The following TMC1 variants were observed in gnomAD, a reference collection of about 807,000 sequenced individuals.
TMC1 encodes transmembrane channel-like protein 1.
TMC1 carries 84 observed loss-of-function variants against 105.8 expected under a neutral mutation model. The observed-to-expected ratio is 0.79, with a 90% confidence interval of 0.67 to 0.95. The LOEUF is 0.95. Ranked by LOEUF, TMC1 falls within the 40% of genes least tolerant of loss-of-function variation. The pLI is 0.00. For synonymous variants in TMC1, 315 were observed against 311.5 expected, an observed-to-expected ratio of 1.01 and a Z score of -0.12; for missense variants, 817 against 914.1, an observed-to-expected ratio of 0.89 and a Z score of 1.37.
rs147297822 is a variant in TMC1, at chr9:72,692,446, C to G, written c.65-2097C>G. Among the ~76,000 whole-genome samples, 747 of 152,298 alleles carry G rather than the reference C, an allele frequency of 4.9e-3. 6 individuals carry two copies. The highest frequency in any genetic ancestry group is 0.017 in the African/African-American group (720 of 41,576). On this transcript the variant is annotated intron_variant, in intron 6 of 23. Coordinates refer to ENST00000297784, the MANE Select transcript of TMC1 (RefSeq NM_138691.3). ...CACCTTTCAACTAGTTTCCGAATTT[C>G]TCACGAAGGGAGCTTATCTCCACAT...
At chr9:72,586,517 A>C (rs1403517801) in intron 2 of TMC1, among the ~76,000 whole-genome samples, 1 of 152,226 alleles carries the variant, frequency 6.6e-6, no homozygotes, top group African/African-American at 2.4e-5. Context: ...AAAGGCTTCT[A>C]TTCAGAGAGA....
In TMC1 at chr9:72,835,933, T is replaced by TTTTTA; in HGVS notation, c.2261-16_2261-15insTTATT. The TTTTTA allele has an allele frequency of 6.3e-7, 1 of 1,577,468 alleles. No individual in the cohort carries two copies. Among genetic ancestry groups the TTTTTA allele is most frequent in the Non-Finnish European group, 8.5e-7 (1 of 1,170,168 alleles). On this transcript the variant is annotated splice_polypyrimidine_tract_variant and intron_variant, in intron 23 of 23. Coordinates refer to ENST00000297784, the MANE Select transcript of TMC1 (RefSeq NM_138691.3). ...TCTCCTTGTTTTTTTTTTTTTTTTT[T>TTTTTA]TTCTGTTTTGTGAACAGCTGCAGCT...
At chr9:72,779,678 G>C (rs1426031166) in intron 13 of TMC1, among the ~76,000 whole-genome samples, 2 of 152,136 alleles carry the variant, frequency 1.3e-5, no homozygotes, top group Non-Finnish European at 2.9e-5. Context: ...CTCAAAAGTG[G>C]TTCTTCAAAT....
intron 2 of TMC1, chr9:72,578,230 A>C (rs1457151676): frequency 1.3e-5 from 2 of 148,688 alleles, no homozygotes; most frequent in African/African-American, 5.0e-5. Context: ...CTCTTTAATA[A>C]CTTGTTTCCA....
chr9:72,526,384 A>G (rs1467934030), intron 1 of TMC1, among the ~76,000 whole-genome samples: 1 of 152,232 alleles, frequency 6.6e-6, no homozygotes, highest in Non-Finnish European at 1.5e-5. Context: ...AAAACCCTCA[A>G]TGGATACTAC....
chr9:72,589,037 TG>T (rs1355996040), intron 2 of TMC1, among the ~76,000 whole-genome samples: 2 of 152,168 alleles, frequency 1.3e-5, no homozygotes, highest in African/African-American at 2.4e-5. Flanking sequence ...CCCAAAGTGC[TG>T]GGATTACAGG....
At chr9:72,545,261 C>T (rs1170530380) in intron 1 of TMC1, among the ~76,000 whole-genome samples, 1 of 151,044 alleles carries the variant, frequency 6.6e-6, no homozygotes, top group Non-Finnish European at 1.5e-5. Flanking sequence ...GTAGCCCTGC[C>T]CTTTGAATGG....
intron 1 of TMC1, among the ~76,000 whole-genome samples, chr9:72,571,933 T>G (rs997551265): frequency 6.6e-6 from 1 of 151,994 alleles, no homozygotes; most frequent in African/African-American, 2.4e-5. Flanking sequence ...GCCTCCTGGA[T>G]TCAAGAGATC....
chr9:72,539,759 G>A (rs1023847513), intron 1 of TMC1, among the ~76,000 whole-genome samples: 1 of 152,080 alleles, frequency 6.6e-6, no homozygotes, highest in African/African-American at 2.4e-5. Context: ...ATTTTCAGTT[G>A]TCTTTACAGC....
At chr9:72,678,139 C>T (rs1826231182) in intron 5 of TMC1, among the ~76,000 whole-genome samples, 1 of 152,002 alleles carries the variant, frequency 6.6e-6, no homozygotes, top group Admixed American at 6.6e-5. Flanking sequence ...ATGAAAGCAA[C>T]CCTGGAGGTG....
intron 7 of TMC1, among the ~76,000 whole-genome samples, chr9:72,698,101 A>G (rs1438670051): frequency 6.6e-6 from 1 of 152,160 alleles, no homozygotes; most frequent in African/African-American, 2.4e-5. Context: ...ATTTTATGCC[A>G]TGGCTACACA....
intron 3 of TMC1, among the ~76,000 whole-genome samples, chr9:72,618,059 C>G (rs1196408715): frequency 8.5e-6 from 1 of 118,252 alleles, no homozygotes; most frequent in Non-Finnish European, 1.7e-5. Context: ...GACAAAGTCT[C>G]ATTTTGTTAC....
In TMC1 at chr9:72,602,674, C is replaced by T. The variant is rs181253468; in HGVS notation, c.-305-13694C>T. ...ATAGGCGTGAGCCACTGCACCCGGC[C>T]CCTTATTGGTGTATTTTTATTTCCC... On this transcript the variant is annotated intron_variant, in intron 2 of 23. Coordinates refer to ENST00000297784, the MANE Select transcript of TMC1 (RefSeq NM_138691.3). Among the ~76,000 whole-genome samples the T allele has an allele frequency of 1.5e-3, 224 of 152,268 alleles. 1 individual carries two copies. Among genetic ancestry groups the T allele is most frequent in the Non-Finnish European group, 2.5e-3 (169 of 68,024 alleles).
intron 10 of TMC1, among the ~76,000 whole-genome samples, chr9:72,749,326 A>G (rs892102318): frequency 2.0e-5 from 3 of 152,174 alleles, no homozygotes; most frequent in African/African-American, 4.8e-5. Context: ...GATTCCAGGG[A>G]AAAACTTACA....
intron 12 of TMC1, among the ~76,000 whole-genome samples, chr9:72,757,819 T>A (rs1042327691): frequency 6.6e-6 from 1 of 152,228 alleles, no homozygotes; most frequent in African/African-American, 2.4e-5. Context: ...TAAATATTCC[T>A]TATTACAAGA....
At chr9:72,552,325 C>T (rs4490907) in intron 1 of TMC1, among the ~76,000 whole-genome samples, 79,640 of 151,866 alleles carry the variant, frequency 0.52, 21,833 homozygotes, top group African/African-American at 0.69. Context: ...CCTGCTGTCA[C>T]TCCCTGACTA....
intron 13 of TMC1, among the ~76,000 whole-genome samples, chr9:72,775,156 T>C (rs765737549): frequency 1.2e-4 from 18 of 152,288 alleles, no homozygotes; most frequent in Non-Finnish European, 2.6e-4. Context: ...AAGTCTTGCA[T>C]TTGAGAACCT....
At chr9:72,736,703 T>TA (rs1827304218) in intron 8 of TMC1, among the ~76,000 whole-genome samples, 1 of 152,208 alleles carries the variant, frequency 6.6e-6, no homozygotes, top group Admixed American at 6.5e-5. Context: ...TGATAACTCC[T>TA]ATGTATACTT....
intron 1 of TMC1, among the ~76,000 whole-genome samples, chr9:72,557,851 T>C (rs1173233076): frequency 6.6e-6 from 1 of 152,234 alleles, no homozygotes; most frequent in Non-Finnish European, 1.5e-5. Context: ...AGCTGTTTAG[T>C]TTCTCATTGA....
Sources: gnomAD v4.1 joint callset for allele counts (sites outside exome capture counted in the v4.1 genomes callset) on GRCh38, gnomAD v4.1.1 for gene constraint, MANE v1.5 for transcripts, NCBI Gene and HGNC (gene_info 2026-07-23, HGNC 2026-07-21) for gene names.